The following SCN1A variants were observed in gnomAD, a reference collection of about 807,000 sequenced individuals.
The protein encoded by SCN1A is sodium voltage-gated channel alpha subunit 1, also known as sodium channel protein type 1 subunit alpha.
SCN1A carries 13 observed loss-of-function variants against 193.7 expected under a neutral mutation model. The observed-to-expected ratio is 0.07, with a 90% CI of 0.04 to 0.11. SCN1A has a LOEUF of 0.11. SCN1A is among the 10% of genes least tolerant of loss of function. The pLI is 1.00. For missense variants in SCN1A, 1,432 were observed against 2,451.1 expected (o/e 0.58, Z 8.78); for synonymous variants, 781 against 843.6 (o/e 0.93, Z 1.29).
At chr2:166,043,047 A>G (rs980521584) in intron 14 of SCN1A, among the ~76,000 whole-genome samples, 15 of 152,238 alleles carry the variant, frequency 9.9e-5, no homozygotes, top group Non-Finnish European at 2.2e-4. Flanking sequence ...AAGAGGCAGC[A>G]TCTGTTTAGA....
intron 2 of SCN1A, among the ~76,000 whole-genome samples, chr2:166,090,029 C>CT (rs545740675): frequency 0.15 from 10,706 of 71,338 alleles, 2,029 homozygotes; most frequent in Non-Finnish European, 0.2. Context: ...TCCTTCTTTC[C>CT]TTTTTTTTTT....
At chr2:166,017,991 A>C (rs1256675097) in intron 19 of SCN1A, among the ~76,000 whole-genome samples, 1 of 152,038 alleles carries the variant, frequency 6.6e-6, no homozygotes, top group Admixed American at 6.6e-5. Context: ...ATCTTCATGT[A>C]AGTGCCACAG....
At chr2:166,037,061 G>T (rs1020540226) in intron 18 of SCN1A, among the ~76,000 whole-genome samples, 2 of 152,118 alleles carry the variant, frequency 1.3e-5, no homozygotes. Flanking sequence ...AGCTGTTTAT[G>T]AATAATCTCT....
intron 24 of SCN1A, chr2:166,000,114 G>T: frequency 3.2e-6 from 1 of 307,990 alleles, no homozygotes; most frequent in South Asian, 3.9e-5. Flanking sequence ...CCAACACATG[G>T]GTCAATAGCT....
intron 3 of SCN1A, among the ~76,000 whole-genome samples, chr2:166,075,919 G>A (rs1684942295): frequency 6.6e-6 from 1 of 151,816 alleles, no homozygotes; most frequent in African/African-American, 2.4e-5. Flanking sequence ...TATGAGAAAA[G>A]TGGAATATAT....
chr2:166,136,294 C>T (rs537358817), intron 1 of SCN1A, among the ~76,000 whole-genome samples: 9 of 152,254 alleles, frequency 5.9e-5, no homozygotes, highest in African/African-American at 1.4e-4. Context: ...TTCTGCTTCC[C>T]TTATTCTTTC....
At chr2:166,011,865 G>GT (rs1402719215) in intron 22 of SCN1A, among the ~76,000 whole-genome samples, 1 of 151,160 alleles carries the variant, frequency 6.6e-6, no homozygotes, top group Non-Finnish European at 1.5e-5. Flanking sequence ...CTGATGTGTT[G>GT]TTTTTTCTTT....
intron 14 of SCN1A, 66 bp downstream of exon 14, chr2:166,043,603 G>A: frequency 2.0e-6 from 3 of 1,530,920 alleles, no homozygotes; most frequent in Non-Finnish European, 2.6e-6. Flanking sequence ...TTGCCGTTCT[G>A]TAGAAACACT....
chr2:165,990,699 G>T lies in SCN1A; in HGVS notation c.*546C>A, dbSNP rs1298279713. ...ATGCCCTCATGCAAACCACGACTTT[G>T]TGTAGCTGGGAGGGCCATGTGGTTG... On this transcript the variant is annotated 3_prime_UTR_variant, in exon 29 of 29. Coordinates refer to ENST00000674923, the MANE Select transcript of SCN1A (RefSeq NM_001165963.4). 6.4e-6 allele frequency: 1 copy of T among 155,758 alleles called. No individual in the cohort carries two copies. The highest frequency in any genetic ancestry group is 2.4e-5 in the African/African-American group (1 of 41,430). 9.6% of individuals were successfully genotyped at this position (155,758 alleles called of 1,614,324 possible). A position where few individuals can be genotyped will look rare whatever the true frequency, so the allele number is the denominator to read the frequency against.
chr2:165,997,960 A>G lies in SCN1A; in HGVS notation c.4476+78T>C, dbSNP rs1264895314. On this transcript the variant is annotated intron_variant, in intron 26 of 28. Transcript: ENST00000674923. ...TACTCCCATTTTGTTTCTAAATTCA[A>G]GTACTCATTTGGCAGAGAAAACACT... 4.3e-6 allele frequency: 5 copies of G among 1,155,492 alleles called. No individual in the cohort carries two copies. The African/African-American group carries it at 4.6e-5, about 11-fold the overall frequency. 71.6% of individuals were successfully genotyped at this position (1,155,492 alleles called of 1,614,324 possible). A position where few individuals can be genotyped will look rare whatever the true frequency, so the allele number is the denominator to read the frequency against.
At chr2:166,141,510 A>G (rs546076857) in intron 1 of SCN1A, among the ~76,000 whole-genome samples, 25 of 152,222 alleles carry the variant, frequency 1.6e-4, no homozygotes, top group African/African-American at 5.5e-4. Flanking sequence ...TGGGCAACAT[A>G]CTGAGAACCC....
chr2:166,000,928 A>G (rs12185584), intron 24 of SCN1A, among the ~76,000 whole-genome samples: 44,773 of 150,520 alleles, frequency 0.3, 7,787 homozygotes, highest in Non-Finnish European at 0.4. Context: ...AATTTATTTA[A>G]TAGCTTTGTG....
Position 166,015,662 on chromosome 2 carries a change from T to C in SCN1A, c.3495A>G (p.Glu1165=). ...STVDIGAPVE[E]QPVVEPEETL... is the part of the protein sequence containing the mutation. ...TTTCTTCAGGTTCCACTACGGGCTGTTCTTCTACAGGTGCGCCGATGTCCA... is the reference window on the plus strand; with the variant it reads ...TTTCTTCAGGTTCCACTACGGGCTGCTCTTCTACAGGTGCGCCGATGTCCA... The change falls in exon 20 of 29, where the codon GAA becomes GAG. Residue 1165 remains glutamate, a synonymous_variant. Transcript: ENST00000674923. The C allele has an allele frequency of 6.2e-7, 1 of 1,612,966 alleles. No individual in the cohort carries two copies. Among genetic ancestry groups the C allele is most frequent in the Non-Finnish European group, 8.5e-7 (1 of 1,179,088 alleles).
At chr2:166,073,730 A>C in intron 3 of SCN1A, 60 bp from the exon 4 acceptor site, 2 of 1,221,548 alleles carry the variant, frequency 1.6e-6, no homozygotes, top group Non-Finnish European at 2.3e-6. Context: ...AATATAAATA[A>C]ATTCTTGTCA....
rs570607921 is a variant in SCN1A at position 165,986,162 on chromosome 2, G to T, written c.*5083C>A. 1 of 152,152 alleles carries T rather than the reference G, an allele frequency of 6.6e-6. No homozygotes were observed. The highest frequency in any genetic ancestry group is 2.1e-4 in the South Asian group (1 of 4,818). 9.4% of individuals were successfully genotyped at this position (152,152 alleles called of 1,614,324 possible). ...CCAAAGAACATTTAAACATTAAATGGTATTAGTCTTTAGAAAATAATCTAA... is the reference window on the plus strand; with the variant it reads ...CCAAAGAACATTTAAACATTAAATGTTATTAGTCTTTAGAAAATAATCTAA... On this transcript the variant is annotated 3_prime_UTR_variant, in exon 29 of 29. Transcript: ENST00000674923.
In SCN1A at chr2:166,087,124, C is replaced by T. The variant is rs148448775; in HGVS notation, c.-141-9323G>A. ...GGTTTTTGCCTCATTCTCACTGTAACGAGTGAGTCCTTGCTCTGTTAGTTC... is the reference window on the plus strand; with the variant it reads ...GGTTTTTGCCTCATTCTCACTGTAATGAGTGAGTCCTTGCTCTGTTAGTTC... On this transcript the variant is annotated intron_variant, in intron 2 of 28. Transcript: ENST00000674923. Among the ~76,000 whole-genome samples, 25 of 149,536 alleles carry T rather than the reference C, an allele frequency of 1.7e-4. No homozygotes were observed. In the East Asian group the frequency reaches 3.8e-3, roughly 23 times the overall value.
chr2:166,114,397 A>G (rs1689625013), intron 2 of SCN1A, among the ~76,000 whole-genome samples: 1 of 152,070 alleles, frequency 6.6e-6, no homozygotes, highest in Non-Finnish European at 1.5e-5. Flanking sequence ...TGTGATTCCT[A>G]CTCCCAGTGA....
chr2:166,052,116 C>A, intron 8 of SCN1A, 128 bp from the exon 9 acceptor site: 2 of 761,218 alleles, frequency 2.6e-6, no homozygotes, highest in Non-Finnish European at 2.1e-6. Flanking sequence ...AGTGGAGAAG[C>A]AACACTTCAT....
Position 166,034,092 on chromosome 2 carries a change from A to G in SCN1A, c.3429+1956T>C, listed in dbSNP as rs531864078. ...TAAAATTTCTGTAAAAAAGTCCACA[A>G]TATTTGATAAAAACAGTCTATTTTT... On this transcript the variant is annotated intron_variant, in intron 19 of 28. Transcript: ENST00000674923. 5.9e-5 allele frequency among the ~76,000 whole-genome samples: 7 copies of G among 118,236 alleles called. No homozygotes were observed. In the South Asian group the frequency reaches 1.8e-3, roughly 30 times the overall value. The allele number at this position is 118,236 out of a possible 152,430, so 77.6% of individuals were successfully genotyped here.
Sources: allele counts gnomAD v4.1 joint callset (sites outside exome capture counted in the v4.1 genomes callset), GRCh38; gene constraint gnomAD v4.1.1; transcripts MANE v1.5; gene names NCBI Gene and HGNC (gene_info 2026-07-23, HGNC 2026-07-21).